The following ARHGEF12 variants were observed in gnomAD, a reference collection of about 807,000 sequenced individuals.
ARHGEF12 encodes Rho guanine nucleotide exchange factor 12.
Under a neutral mutation model 211.2 loss-of-function variants are expected in ARHGEF12, and 66 were observed. The observed-to-expected ratio is 0.31, with a 90% CI of 0.26 to 0.38. ARHGEF12 has a LOEUF of 0.38. ARHGEF12 is among the 10% of genes least tolerant of loss of function. The pLI is 1.00. For synonymous variants in ARHGEF12, 592 were observed against 638.4 expected (o/e 0.93, Z 1.09); for missense variants, 1,429 against 1,869.5 (o/e 0.76, Z 4.34).
At chr11:120,448,119 T>A in intron 19 of ARHGEF12, 115 bp from the exon 20 acceptor site, 1 of 841,284 alleles carries the variant, frequency 1.2e-6, no homozygotes, top group South Asian at 1.8e-5. Flanking sequence ...CTTTAGTGTT[T>A]GTTTGATTTA....
In ARHGEF12 at chr11:120,406,100, A is replaced by G. The variant is rs772666931; in HGVS notation, c.33-18A>G. On this transcript the variant is annotated intron_variant, in intron 1 of 40. Transcript: ENST00000397843. Reference sequence around the variant, plus strand: ...AAGTAAAGTAACTACATCTATCCTTATTTTTTCTTTGTTTCAGGTTTCCCC... The same window carrying G: ...AAGTAAAGTAACTACATCTATCCTTGTTTTTTCTTTGTTTCAGGTTTCCCC... 2.0e-6 allele frequency: 3 copies of G among 1,532,160 alleles called. No homozygotes were observed. In the South Asian group the frequency reaches 3.7e-5, roughly 19 times the overall value. The allele number at this position is 1,532,160 out of a possible 1,614,324, so 94.9% of individuals were successfully genotyped here.
chr11:120,404,729 G>A (rs1266609997), intron 1 of ARHGEF12, among the ~76,000 whole-genome samples: 1 of 152,160 alleles, frequency 6.6e-6, no homozygotes. Context: ...TAATGGCTGT[G>A]AGGTCGAGTG....
chr11:120,392,647 C>G (rs1669221543), intron 1 of ARHGEF12, among the ~76,000 whole-genome samples: 1 of 152,198 alleles, frequency 6.6e-6, no homozygotes, highest in Non-Finnish European at 1.5e-5. Context: ...GTAACTATGT[C>G]AAGGGCTCAG....
chr11:120,456,933 G>A, intron 22 of ARHGEF12, 185 bp from the exon 23 acceptor site: 2 of 541,632 alleles, frequency 3.7e-6, no homozygotes, highest in South Asian at 5.1e-5. Context: ...GAGATGGGAG[G>A]ATCATGTGAG....
At chr11:120,425,028 C>T (rs1945297100) in intron 7 of ARHGEF12, among the ~76,000 whole-genome samples, 1 of 152,172 alleles carries the variant, frequency 6.6e-6, no homozygotes, top group African/African-American at 2.4e-5. Flanking sequence ...TGTGGAGAAA[C>T]AGGCTTGAAG....
At chr11:120,442,078 C>A (rs1435694251) in intron 14 of ARHGEF12, 26 bp from the exon 15 acceptor site, 1 of 1,513,882 alleles carries the variant, frequency 6.6e-7, no homozygotes, top group Non-Finnish European at 9.0e-7. Context: ...CTCATTTTGT[C>A]TTTTTCATTC....
chr11:120,374,223 G>T (rs1943665693), intron 1 of ARHGEF12, among the ~76,000 whole-genome samples: 1 of 152,078 alleles, frequency 6.6e-6, no homozygotes, highest in African/African-American at 2.4e-5. Flanking sequence ...TATAACCATT[G>T]TTTAGTGTAG....
intron 5 of ARHGEF12, among the ~76,000 whole-genome samples, chr11:120,421,482 G>A (rs1465109563): frequency 8.1e-6 from 1 of 122,918 alleles, no homozygotes; most frequent in Non-Finnish European, 1.6e-5. Context: ...TCTGTCACCA[G>A]ACTGGAGTGC....
At chr11:120,471,740 A>C (rs974169836) in intron 30 of ARHGEF12, among the ~76,000 whole-genome samples, 1 of 152,238 alleles carries the variant, frequency 6.6e-6, no homozygotes, top group South Asian at 2.1e-4. Context: ...GAATAAATAG[A>C]TATATGATAA....
At chr11:120,361,770 C>T (rs114892790) in intron 1 of ARHGEF12, among the ~76,000 whole-genome samples, 1,678 of 152,260 alleles carry the variant, frequency 0.011, 31 homozygotes, top group African/African-American at 0.038. Context: ...ACGTGGAATA[C>T]GTAAACTTGT....
intron 27 of ARHGEF12, chr11:120,464,813 G>C (rs1163749450): frequency 6.3e-6 from 1 of 157,820 alleles, no homozygotes; most frequent in Non-Finnish European, 1.4e-5. Context: ...TTTGAGAACA[G>C]CCTGGCCAAC....
At chr11:120,378,397 C>A (rs1943790023) in intron 1 of ARHGEF12, among the ~76,000 whole-genome samples, 1 of 152,186 alleles carries the variant, frequency 6.6e-6, no homozygotes, top group African/African-American at 2.4e-5. Context: ...TTGTCAGTTA[C>A]ATTTAGAAAA....
chr11:120,355,626 G>C (rs1249633991), intron 1 of ARHGEF12, among the ~76,000 whole-genome samples: 3 of 152,178 alleles, frequency 2.0e-5, no homozygotes, highest in Non-Finnish European at 2.9e-5. Flanking sequence ...AGGATTGCTT[G>C]AGCCCAGGAG....
At chr11:120,430,205 A>C (rs561025021) in intron 10 of ARHGEF12, among the ~76,000 whole-genome samples, 1 of 152,234 alleles carries the variant, frequency 6.6e-6, no homozygotes, top group African/African-American at 2.4e-5. Flanking sequence ...TTAAGAATTT[A>C]CAACAACAGG....
chr11:120,459,148 ACATTT>A (rs1565497968), intron 25 of ARHGEF12, 21 bp from the exon 26 acceptor site: 7 of 1,569,136 alleles, frequency 4.5e-6, no homozygotes, highest in Non-Finnish European at 6.0e-6. Context: ...AAGTAAGGCA[ACATTT>A]CATATCTCTT....
chr11:120,403,877 G>T (rs1423865099), intron 1 of ARHGEF12, among the ~76,000 whole-genome samples: 1 of 152,186 alleles, frequency 6.6e-6, no homozygotes, highest in Non-Finnish European at 1.5e-5. Context: ...TCACCAGAAT[G>T]TATTTCATCA....
At chr11:120,463,942 C>T (rs1946619328) in intron 27 of ARHGEF12, 1 of 152,180 alleles carries the variant, frequency 6.6e-6, no homozygotes. Context: ...ATGTATTTGA[C>T]TTCTACGAGC....
chr11:120,455,168 A>G (rs1946327140), intron 22 of ARHGEF12, among the ~76,000 whole-genome samples: 1 of 152,222 alleles, frequency 6.6e-6, no homozygotes, highest in African/African-American at 2.4e-5. Flanking sequence ...CTCTTTCACA[A>G]AAAGTCAGCT....
chr11:120,411,818 GAA>G (rs1255525057), intron 4 of ARHGEF12: 2 of 136,194 alleles, frequency 1.5e-5, no homozygotes, highest in Non-Finnish European at 1.6e-5. Flanking sequence ...TTTGCCAGGG[GAA>G]AAAAAAAAAA....
Sources: allele counts gnomAD v4.1 joint callset (sites outside exome capture counted in the v4.1 genomes callset), GRCh38; gene constraint gnomAD v4.1.1; transcripts MANE v1.5; gene names NCBI Gene and HGNC (gene_info 2026-07-23, HGNC 2026-07-21).